The following DAB2IP variants were observed in gnomAD, a reference collection of about 807,000 sequenced individuals.
DAB2IP encodes DAB2 interacting protein, also known as disabled homolog 2-interacting protein.
A neutral mutation model predicts 107.2 loss-of-function variants in DAB2IP; 28 were observed. The observed-to-expected ratio is 0.26, with a 90% CI of 0.19 to 0.36. The LOEUF (loss-of-function observed/expected upper bound fraction) is 0.36. Ranked by LOEUF, DAB2IP falls within the 10% of genes least tolerant of loss-of-function variation. The pLI is 1.00. For missense variants in DAB2IP, 1,400 were observed against 1,644.7 expected (o/e 0.85, Z 2.57); for synonymous variants, 755 against 706.4 (o/e 1.07, Z -1.09).
chr9:121,689,371 C>A (rs1829046813), intron 2 of DAB2IP, among the ~76,000 whole-genome samples: 1 of 151,962 alleles, frequency 6.6e-6, no homozygotes. Context: ...CCCAGGTGAA[C>A]CTTGGCCCGC....
intron 1 of DAB2IP, among the ~76,000 whole-genome samples, chr9:121,677,347 C>T (rs967029778): frequency 3.9e-5 from 6 of 152,136 alleles, no homozygotes; most frequent in African/African-American, 1.4e-4. Flanking sequence ...AGGAAACCCC[C>T]ATCTCTACAA....
In DAB2IP at chr9:121,642,027, CTCTCTT is replaced by C. The variant is rs1168731678; in HGVS notation, c.41-36647_41-36642del. 1.0e-3 allele frequency among the ~76,000 whole-genome samples: 41 copies of C among 39,492 alleles called. 1 individual carries two copies. Among genetic ancestry groups the C allele is most frequent in the Non-Finnish European group, 1.3e-3 (28 of 21,500 alleles). The allele number at this position is 39,492 out of a possible 152,430, so 25.9% of individuals were successfully genotyped here. Reference sequence around the variant, plus strand: ...TCTCTCTCTCTCTCTCTCTCTCTCTCTCTCTTTCTTTCTTTCTTTCTTTCTTTCTTT... The same window carrying C: ...TCTCTCTCTCTCTCTCTCTCTCTCTCTCTTTCTTTCTTTCTTTCTTTCTTT... On this transcript the variant is annotated intron_variant, in intron 1 of 16. Transcript: ENST00000259371.
At chr9:121,735,009 A>G (rs143509767) in intron 3 of DAB2IP, among the ~76,000 whole-genome samples, 47 of 152,300 alleles carry the variant, frequency 3.1e-4, no homozygotes, top group East Asian at 9.6e-4. Flanking sequence ...TCTGGAGCCA[A>G]AGGGGGCTTC....
At chr9:121,590,956 A>G (rs1363700938) in intron 1 of DAB2IP, among the ~76,000 whole-genome samples, 1 of 152,200 alleles carries the variant, frequency 6.6e-6, no homozygotes, top group Non-Finnish European at 1.5e-5. Context: ...GACTTGAGCC[A>G]TGGGTGTGTC....
intron 1 of DAB2IP, among the ~76,000 whole-genome samples, chr9:121,661,980 C>CA (rs1833228127): frequency 3.4e-5 from 5 of 145,950 alleles, no homozygotes; most frequent in Non-Finnish European, 4.5e-5. Flanking sequence ...GACCCTGTCT[C>CA]GAAAAAAAAA....
chr9:121,644,914 C>T (rs1291048769), intron 1 of DAB2IP, among the ~76,000 whole-genome samples: 1 of 152,182 alleles, frequency 6.6e-6, no homozygotes, highest in East Asian at 1.9e-4. Context: ...GTGGTCTCTG[C>T]AGGAGTTGAG....
At chr9:121,704,191 C>T (rs1011731710) in intron 3 of DAB2IP, among the ~76,000 whole-genome samples, 2 of 152,074 alleles carry the variant, frequency 1.3e-5, no homozygotes. Context: ...GTCTTAGAAA[C>T]AGAATTACTA....
chr9:121,759,737 C>T (rs1227968846), intron 5 of DAB2IP, 148 bp from the exon 6 acceptor site: 5 of 666,136 alleles, frequency 7.5e-6, no homozygotes, highest in Non-Finnish European at 1.3e-5. Context: ...TCATGCCCTG[C>T]CTCATCCTGA....
chr9:121,641,995 T>TTCTC (rs71370683), intron 1 of DAB2IP, among the ~76,000 whole-genome samples: 780 of 34,768 alleles, frequency 0.022, 35 homozygotes, highest in Admixed American at 0.031. Context: ...TTTCTTTCCT[T>TTCTC]TCTCTCTCTC....
intron 2 of DAB2IP, among the ~76,000 whole-genome samples, chr9:121,696,084 G>A (rs1385412127): frequency 1.3e-5 from 2 of 152,144 alleles, no homozygotes; most frequent in Non-Finnish European, 2.9e-5. Context: ...GGCCAGGCTG[G>A]TCTTGAACTC....
At chr9:121,694,664 TCTGACCCCCACTCAAACTGCCCTGTG>T (rs1293108635) in intron 2 of DAB2IP, among the ~76,000 whole-genome samples, 1 of 152,002 alleles carries the variant, frequency 6.6e-6, no homozygotes, top group Admixed American at 6.5e-5. Context: ...CCCCCAGGCC[TCTGACCCCCACTCAAACTGCCCTGTG>T]CTTTGCTCAG....
chr9:121,624,830 C>G (rs1046682062), intron 1 of DAB2IP, among the ~76,000 whole-genome samples: 2 of 152,232 alleles, frequency 1.3e-5, no homozygotes, highest in Admixed American at 1.3e-4. Flanking sequence ...TCTGGAATTA[C>G]TGAGAAAGTT....
At chr9:121,601,988 A>G (rs1830697832) in intron 1 of DAB2IP, among the ~76,000 whole-genome samples, 1 of 151,314 alleles carries the variant, frequency 6.6e-6, no homozygotes, top group African/African-American at 2.4e-5. Context: ...TAAAATGCAG[A>G]TCCCTCATCT....
At position 121,772,110 on chromosome 9, in the gene DAB2IP, G is replaced by T. The variant is rs1834802326; in HGVS notation, c.2079-497G>T. Among the ~76,000 whole-genome samples, 1 of 152,168 alleles carries T rather than the reference G, an allele frequency of 6.6e-6. No individual in the cohort carries two copies. The highest frequency in any genetic ancestry group is 1.5e-5 in the Non-Finnish European group (1 of 68,026). On this transcript the variant is annotated intron_variant, in intron 11 of 15. Transcript: ENST00000408936. This position sits in a 1 kb window ranked among gnomAD's most constrained non-coding sequence, Gnocchi z 4.7. The stretch of plus-strand genomic sequence containing the variant: ...CGCCTGCCAGTCAAACAAGGGAGCG[G>T]CAGCAGGAGGCTGGGCAAGAGGAGG...
In DAB2IP at chr9:121,702,932, A is replaced by G. The variant is rs192812228; in HGVS notation, c.362+3474A>G. On this transcript the variant is annotated intron_variant, in intron 3 of 15. Transcript: ENST00000408936. This position sits in a 1 kb window ranked among gnomAD's most constrained non-coding sequence, Gnocchi z 4.5. ...GTTACTCTAAAGTGTCTGTACCCCC[A>G]TCAAGCTCTTCCCAGTCATCCTGGT... Among the ~76,000 whole-genome samples the G allele has an allele frequency of 2.0e-5, 3 of 152,254 alleles. No individual in the cohort carries two copies. The highest frequency in any genetic ancestry group is 4.8e-5 in the African/African-American group (2 of 41,534).
intron 1 of DAB2IP, among the ~76,000 whole-genome samples, chr9:121,593,673 CTT>C (rs71370677): frequency 2.0e-4 from 22 of 110,918 alleles, no homozygotes; most frequent in East Asian, 5.6e-4. Context: ...CTTTTTTTTT[CTT>C]TTTTTTTTTT....
In DAB2IP at chr9:121,760,423, G is replaced by A. The variant is rs772387438; in HGVS notation, c.1154G>A (p.Ser385Asn). The change falls in exon 6 of 16, where the codon AGC becomes AAC. Residue 385 changes from serine to asparagine, a missense_variant. Ser to Asn is a conservative substitution (Grantham distance 46, BLOSUM62 1). Around this residue, in one of 3 missense-constraint regions of DAB2IP, gnomAD observed 517 missense variants for 748.6 expected, o/e 0.69. Coordinates refer to ENST00000408936, the Ensembl canonical transcript of DAB2IP. This position sits in a 1 kb window ranked among gnomAD's most constrained non-coding sequence, Gnocchi z 5.9. Reference sequence around the variant, plus strand: ...TCTGCCCTGGTGCACATCCTGCAGAGCACGGGCAAGGTGAAGGTGCGTGCA... The same window carrying A: ...TCTGCCCTGGTGCACATCCTGCAGAACACGGGCAAGGTGAAGGTGCGTGCA... 2.8e-5 allele frequency: 45 copies of A among 1,601,538 alleles called. No individual in the cohort carries two copies. Among genetic ancestry groups the A allele is most frequent in the Non-Finnish European group, 3.8e-5 (45 of 1,176,868 alleles).
rs184316076 is a variant in DAB2IP, at chr9:121,780,904, A to G, written c.3315-560A>G. On this transcript the variant is annotated intron_variant, in intron 14 of 15. Coordinates refer to ENST00000408936, the Ensembl canonical transcript of DAB2IP. The stretch of plus-strand genomic sequence containing the variant: ...CGACCTCCCAGCCCACCCTCCAGGG[A>G]ACGTCACTGCTTCCTGCTCTTTGTT... Among the ~76,000 whole-genome samples the G allele has an allele frequency of 3.3e-3, 499 of 152,224 alleles. 1 individual carries two copies. Among genetic ancestry groups the G allele is most frequent in the Non-Finnish European group, 5.7e-3 (390 of 68,022 alleles).
At chr9:121,766,049 C>G (rs542417311) in intron 8 of DAB2IP, among the ~76,000 whole-genome samples, 1 of 152,344 alleles carries the variant, frequency 6.6e-6, no homozygotes, top group East Asian at 1.9e-4. Context: ...GTGGTCTATT[C>G]CTGTTTTCCT....
Sources: allele counts gnomAD v4.1 joint callset (sites outside exome capture counted in the v4.1 genomes callset), GRCh38; gene constraint gnomAD v4.1.1; regional missense constraint gnomAD v4.1.1; non-coding constraint Gnocchi (gnomAD v3.1); transcripts MANE v1.5; gene names NCBI Gene and HGNC (gene_info 2026-07-23, HGNC 2026-07-21).